TRMT5: variants seen among roughly 807,000 people sequenced by gnomAD.
The protein encoded by TRMT5 is tRNA methyltransferase 5, also known as tRNA (guanine(37)-N(1))-methyltransferase.
A neutral mutation model predicts 42.2 loss-of-function variants in TRMT5; 31 were observed. The ratio of observed to expected loss-of-function variants is 0.73; its 90% CI spans 0.55 to 0.99. The LOEUF (loss-of-function observed/expected upper bound fraction) is 0.99. TRMT5 is among the 50% of genes least tolerant of loss of function. The pLI, the probability that TRMT5 is intolerant of heterozygous loss-of-function variation, is 0.00. For missense variants in TRMT5, 568 were observed against 595.0 expected (o/e 0.95, Z 0.47); for synonymous variants, 198 against 209.6 (o/e 0.94, Z 0.48).
rs1594924577 is a variant in TRMT5, at chr14:60,974,938, T to C, written c.*171A>G. 1 of 400,962 alleles carries C rather than the reference T, an allele frequency of 2.5e-6. No individual in the cohort carries two copies. Among genetic ancestry groups the C allele is most frequent in the African/African-American group, 2.1e-5 (1 of 48,266 alleles). The allele number at this position is 400,962 out of a possible 1,614,324, so 24.8% of individuals were successfully genotyped here. A position where few individuals can be genotyped will look rare whatever the true frequency, so the allele number is the denominator to read the frequency against. On this transcript the variant is annotated 3_prime_UTR_variant, in exon 5 of 5. Coordinates refer to ENST00000261249, the MANE Select transcript of TRMT5 (RefSeq NM_020810.3). ...GTTATAATTTAGATAACAGGGAATG[T>C]ATTTGGTAGCCTTAGTTCAGTTAAA...
chr14:60,980,999 C>T lies in TRMT5; in HGVS notation c.-26G>A, dbSNP rs375674873. Reference sequence around the variant, plus strand: ...TCCAATTCCCCACGTCGCTCTGCAGCTGGATCCGCGAGCCGACCCCTCACC... The same window carrying T: ...TCCAATTCCCCACGTCGCTCTGCAGTTGGATCCGCGAGCCGACCCCTCACC... On this transcript the variant is annotated 5_prime_UTR_variant, in exon 1 of 5. Coordinates refer to ENST00000261249, the MANE Select transcript of TRMT5 (RefSeq NM_020810.3). 4.3e-5 allele frequency: 69 copies of T among 1,610,394 alleles called. No homozygotes were observed. Among genetic ancestry groups the T allele is most frequent in the Non-Finnish European group, 2.0e-5 (24 of 1,179,974 alleles).
At chr14:60,981,384 T>G, upstream of TRMT5, 1 of 1,592,126 alleles carries the variant, frequency 6.3e-7, no homozygotes, top group Non-Finnish European at 8.6e-7. Context: ...CTAAGCAACG[T>G]AAGTGGGCTG....
At chr14:60,980,844 C>A in intron 1 of TRMT5, 119 bp downstream of exon 1, 1 of 1,483,086 alleles carries the variant, frequency 6.7e-7, no homozygotes, top group Non-Finnish European at 9.3e-7. Flanking sequence ...AGCTCAGCAC[C>A]TAGGCGGGTG....
In TRMT5 at chr14:60,977,678, T is replaced by C; in HGVS notation, c.668-40A>G. ...GAAAATCCATAATACTGCCTATTGG[T>C]TGCAAAATAAAAGCTAACATTGTTA... On this transcript the variant is annotated intron_variant, in intron 2 of 4. Coordinates refer to ENST00000261249, the MANE Select transcript of TRMT5 (RefSeq NM_020810.3). 2.0e-6 allele frequency: 3 copies of C among 1,535,228 alleles called. No homozygotes were observed. In the South Asian group the frequency reaches 3.9e-5, roughly 20 times the overall value.
Position 60,975,970 on chromosome 14 carries a change from C to T in TRMT5, c.949G>A (p.Ala317Thr). The T allele has an allele frequency of 1.2e-6, 2 of 1,614,150 alleles. No individual in the cohort carries two copies. The highest frequency in any genetic ancestry group is 1.7e-6 in the Non-Finnish European group (2 of 1,180,024). Reference sequence around the variant, plus strand: ...GCAAATACAGTGCAGTTTTTCTTTGCTACTGGAATGGCAAAGGGCCCAACC... The same window carrying T: ...GCAAATACAGTGCAGTTTTTCTTTGTTACTGGAATGGCAAAGGGCCCAACC... Reference protein sequence around the residue: ...AGVGPFAIPVAKKNCTVFAND... With the variant: ...AGVGPFAIPVTKKNCTVFAND... The change falls in exon 4 of 5, where the codon GCA becomes ACA. Residue 317 changes from alanine (A) to threonine (T), a missense_variant. By Grantham distance (58) the Ala-to-Thr change is moderately conservative. Coordinates refer to ENST00000261249, the MANE Select transcript of TRMT5 (RefSeq NM_020810.3).
Position 60,980,767 on chromosome 14 carries a change from T to G in TRMT5, c.11+196A>C, listed in dbSNP as rs559550222. Reference sequence around the variant, plus strand: ...TGGATAAATTACTATAAGTCTCGGTTTTCCCACCAGTAAAATGTGGCGAAA... The same window carrying G: ...TGGATAAATTACTATAAGTCTCGGTGTTCCCACCAGTAAAATGTGGCGAAA... On this transcript the variant is annotated intron_variant, in intron 1 of 4. Transcript: ENST00000261249. 6 of 785,426 alleles carry G rather than the reference T, an allele frequency of 7.6e-6. No individual in the cohort carries two copies. In the African/African-American group the frequency reaches 1.0e-4, roughly 14 times the overall value. The allele number at this position is 785,426 out of a possible 1,614,324, so 48.7% of individuals were successfully genotyped here. A position where few individuals can be genotyped will look rare whatever the true frequency, so the allele number is the denominator to read the frequency against.
In TRMT5 at chr14:60,973,556, A is replaced by G. The variant is rs2036806962; in HGVS notation, c.*1553T>C. 6.6e-6 allele frequency: 1 copy of G among 152,260 alleles called. No homozygotes were observed. Among genetic ancestry groups the G allele is most frequent in the Non-Finnish European group, 1.5e-5 (1 of 68,086 alleles). The allele number at this position is 152,260 out of a possible 1,614,324, so 9.4% of individuals were successfully genotyped here. On this transcript the variant is annotated 3_prime_UTR_variant, in exon 5 of 5. Transcript: ENST00000261249. ...GTAACCTTCACACATTGGGAAGCCG[A>G]GATGGGAAGATCTCAAGCCTAGGAG...
rs1406596352 is a variant in TRMT5, at chr14:60,977,524, A to T, written c.782T>A (p.Met261Lys). 3 of 1,607,478 alleles carry T rather than the reference A, an allele frequency of 1.9e-6. No homozygotes were observed. Among genetic ancestry groups the T allele is most frequent in the Non-Finnish European group, 2.5e-6 (3 of 1,177,474 alleles). The change falls in exon 3 of 5, where the codon ATG becomes AAG. Residue 261 changes from methionine to lysine, a missense_variant. Met to Lys is a moderately conservative substitution (Grantham distance 95). Coordinates refer to ENST00000261249, the MANE Select transcript of TRMT5 (RefSeq NM_020810.3). ...GATAATAAAATATACCTTTGTCATC[A>T]TGTTCTGCTCTCCAGATAGCACTTC... is the stretch of plus-strand genomic sequence containing the variant. Reference protein sequence around the residue: ...QMEVLSGEQNMMTKVRENNYT... With the variant: ...QMEVLSGEQNKMTKVRENNYT...
chr14:60,975,285 A>C (rs1016771984), intron 4 of TRMT5, 91 bp from the exon 5 acceptor site: 23 of 1,316,354 alleles, frequency 1.7e-5, no homozygotes, highest in Non-Finnish European at 2.1e-5. Context: ...TTTTTAATCT[A>C]GTCAACTTAA....
rs769946301 is a variant in TRMT5 at position 60,979,565 on chromosome 14, T to G, written c.333A>C (p.Arg111=). Residue 111 remains arginine, a synonymous_variant, in exon 2 of 5, where the codon CGA becomes CGC. Transcript: ENST00000261249. ...VRKEIVSKLM[R]SLKRAALQRP... ...GCTGCAATGCTGCCCTTTTTAGGGATCGCATCAATTTACTGACTATTTCTT... is the reference window on the plus strand; with the variant it reads ...GCTGCAATGCTGCCCTTTTTAGGGAGCGCATCAATTTACTGACTATTTCTT... The G allele has an allele frequency of 9.9e-6, 16 of 1,614,058 alleles. No homozygotes were observed. In the East Asian group the frequency reaches 3.6e-4, roughly 36 times the overall value.
In TRMT5 at chr14:60,975,071, A is replaced by C. The variant is rs2036823796; in HGVS notation, c.*38T>G. The C allele has an allele frequency of 1.3e-6, 2 of 1,499,450 alleles. No homozygotes were observed. The highest frequency in any genetic ancestry group is 1.8e-6 in the Non-Finnish European group (2 of 1,092,182). The allele number at this position is 1,499,450 out of a possible 1,614,324, so 92.9% of individuals were successfully genotyped here. On this transcript the variant is annotated 3_prime_UTR_variant, in exon 5 of 5. Coordinates refer to ENST00000261249, the MANE Select transcript of TRMT5 (RefSeq NM_020810.3). The stretch of plus-strand genomic sequence containing the variant: ...AATAATACAAATTCTATTTCACTAC[A>C]TGTAAGTCTGGTAGGGAGATGGAGA...
chr14:60,979,494 CTT>C lies in TRMT5; in HGVS notation c.402_403del (p.Ser135Ter), dbSNP rs1174048521. On this transcript the variant is annotated frameshift_variant, in exon 2 of 5. Transcript: ENST00000261249. LOFTEE classifies it high-confidence loss of function. ...ATAGGGATCCAACATGATTAGTCTACTTTCTTTATCTTCCGGATCTTCAATCA... is the reference window on the plus strand; with the variant it reads ...ATAGGGATCCAACATGATTAGTCTACTCTTTATCTTCCGGATCTTCAATCA... 6.2e-7 allele frequency: 1 copy of C among 1,614,050 alleles called. No individual in the cohort carries two copies. The highest frequency in any genetic ancestry group is 8.5e-7 in the Non-Finnish European group (1 of 1,180,024).
At chr14:60,976,768 G>A (rs1350154692) in intron 3 of TRMT5, among the ~76,000 whole-genome samples, 1 of 152,118 alleles carries the variant, frequency 6.6e-6, no homozygotes, top group Non-Finnish European at 1.5e-5. Flanking sequence ...GAGTTTTCAT[G>A]GGTAAACTAA....
intron 1 of TRMT5, 37 bp from the exon 2 acceptor site, chr14:60,979,923 T>G: frequency 6.6e-7 from 1 of 1,505,898 alleles, no homozygotes; most frequent in Non-Finnish European, 8.8e-7. Flanking sequence ...ACACGACAGC[T>G]TTTGAGAATA....
chr14:60,979,807 T>G lies in TRMT5; in HGVS notation c.91A>C (p.Ile31Leu). ...GTCAGGGATGTCCAAGCTACTGGAA[T>G]CAACGATTTTGATTCAGTTATGCTA... ...SHSITESKSLIPVAWTSLTQM... is the reference protein window; with the variant it reads ...SHSITESKSLLPVAWTSLTQM... The change falls in exon 2 of 5, where the codon ATT (isoleucine) becomes CTT (leucine). Residue 31 changes from isoleucine to leucine, a missense_variant. By Grantham distance (5) the Ile-to-Leu change is conservative. Coordinates refer to ENST00000261249, the MANE Select transcript of TRMT5 (RefSeq NM_020810.3). 1 of 1,613,320 alleles carries G rather than the reference T, an allele frequency of 6.2e-7. No homozygotes were observed. The highest frequency in any genetic ancestry group is 8.5e-7 in the Non-Finnish European group (1 of 1,179,896).
At chr14:60,981,678 A>G (rs1296153055), upstream of TRMT5, 1 of 1,389,856 alleles carries the variant, frequency 7.2e-7, no homozygotes, top group Admixed American at 2.2e-5. Context: ...AGGATTATGT[A>G]CTCACTGCTG....
rs757001416 is a variant in TRMT5, at chr14:60,979,367, A to G, written c.531T>C (p.Tyr177=). 49 of 1,614,068 alleles carry G rather than the reference A, an allele frequency of 3.0e-5. No individual in the cohort carries two copies. Among genetic ancestry groups the G allele is most frequent in the Non-Finnish European group, 3.8e-5 (45 of 1,180,016 alleles). ...AGATTTCTTCTGACTTAAAGTGTTC[A>G]TATGTTAGTTCCAAATTGTATTTAG... is the stretch of plus-strand genomic sequence containing the variant. The part of the protein sequence containing the change: ...QISKYNLELT[Y]EHFKSEEILR... The change falls in exon 2 of 5, where the codon TAT becomes TAC. Residue 177 remains tyrosine, a synonymous_variant. Coordinates refer to ENST00000261249, the MANE Select transcript of TRMT5 (RefSeq NM_020810.3).
chr14:60,976,252 AAAC>A (rs2036845644), intron 3 of TRMT5, 126 bp from the exon 4 acceptor site: 2 of 1,084,188 alleles, frequency 1.8e-6, no homozygotes, highest in Non-Finnish European at 2.6e-6. Context: ...TGTAAGAGCC[AAAC>A]AACAGTGCAT....
chr14:60,972,368 A>G lies in TRMT5; in HGVS notation c.*2741T>C, dbSNP rs2036787637. On this transcript the variant is annotated 3_prime_UTR_variant, in exon 5 of 5. Coordinates refer to ENST00000261249, the MANE Select transcript of TRMT5 (RefSeq NM_020810.3). ...TAGGCTTGGGCTCTGGCTTTGGAGG[A>G]GCAGGTTTAGCAGACAACCTCGCAG... 1 of 542,522 alleles carries G rather than the reference A, an allele frequency of 1.8e-6. No homozygotes were observed. The highest frequency in any genetic ancestry group is 1.9e-5 in the Admixed American group (1 of 51,672). 33.6% of individuals were successfully genotyped at this position (542,522 alleles called of 1,614,324 possible).
Sources: gnomAD v4.1 joint callset for allele counts (sites outside exome capture counted in the v4.1 genomes callset) on GRCh38, gnomAD v4.1.1 for gene constraint, MANE v1.5 for transcripts, NCBI Gene and HGNC (gene_info 2026-07-23, HGNC 2026-07-21) for gene names.